IL1R1: variants seen among roughly 807,000 people sequenced by gnomAD.
The protein encoded by IL1R1 is interleukin-1 receptor type 1.
In IL1R1, 22 loss-of-function variants were observed where a neutral mutation model predicts 50.2. The ratio of observed to expected loss-of-function variants is 0.44; its 90% CI spans 0.31 to 0.63. The LOEUF is 0.63. Among genes scored for constraint, IL1R1 ranks in the 20% least tolerant of loss-of-function variants. The pLI is 0.07. For synonymous variants in IL1R1, 251 were observed against 236.7 expected, an observed-to-expected ratio of 1.06 and a Z score of -0.55; for missense variants, 509 against 676.2, an observed-to-expected ratio of 0.75 and a Z score of 2.74.
At position 102,079,805 on chromosome 2, in the gene IL1R1, A is replaced by G. The variant is rs545201718; in HGVS notation, c.-84+9272A>G. On this transcript the variant is annotated intron_variant, in intron 1 of 11. Transcript: ENST00000409929. ...ATCCAAAACAATCTTGAAAAATAAC[A>G]AAGTCAATGACTTACACTCCCATTT... Among the ~76,000 whole-genome samples the G allele has an allele frequency of 2.0e-5, 3 of 152,302 alleles. No individual in the cohort carries two copies. The South Asian group carries it at 6.2e-4, about 32-fold the overall frequency.
At chr2:102,138,608 A>G (rs1682473025), upstream of IL1R1, among the ~76,000 whole-genome samples, 1 of 152,154 alleles carries the variant, frequency 6.6e-6, no homozygotes, top group Admixed American at 6.5e-5. Flanking sequence ...GGAAAGGGAG[A>G]GTGTTGAGTA....
intron 3 of IL1R1, among the ~76,000 whole-genome samples, chr2:102,164,062 A>G (rs1216348736): frequency 6.6e-6 from 1 of 152,060 alleles, no homozygotes; most frequent in Non-Finnish European, 1.5e-5. Flanking sequence ...GGTGTGCTCC[A>G]TGTGTTACTC....
intron 1 of IL1R1, among the ~76,000 whole-genome samples, chr2:102,095,765 G>A (rs569707590): frequency 6.6e-6 from 1 of 152,334 alleles, no homozygotes; most frequent in South Asian, 2.1e-4. Context: ...AGCACTTTGG[G>A]AGGCCGAGGC....
intron 1 of IL1R1, among the ~76,000 whole-genome samples, chr2:102,110,887 A>AAGGCTGCAGAGACAGC (rs1487145869): frequency 3.9e-5 from 6 of 152,222 alleles, no homozygotes; most frequent in Non-Finnish European, 7.4e-5. Flanking sequence ...ACAGAGACAG[A>AAGGCTGCAGAGACAGC]AGGCTGCAGA....
intron 1 of IL1R1, among the ~76,000 whole-genome samples, chr2:102,095,109 C>A (rs959043427): frequency 6.6e-6 from 1 of 152,186 alleles, no homozygotes; most frequent in South Asian, 2.1e-4. Flanking sequence ...CAGCTTTAGG[C>A]CCCTCCCCCA....
At chr2:102,174,525 T>C in intron 9 of IL1R1, 62 bp from the exon 10 acceptor site, 2 of 1,310,464 alleles carry the variant, frequency 1.5e-6, no homozygotes, top group Non-Finnish European at 2.1e-6. Context: ...TTTGCTGTGC[T>C]CAAAGTTTTA....
chr2:102,137,616 A>T (rs1435703522), intron 1 of IL1R1, among the ~76,000 whole-genome samples: 1 of 152,222 alleles, frequency 6.6e-6, no homozygotes, highest in African/African-American at 2.4e-5. Context: ...TAAGAGTCCC[A>T]GGAAGAACCT....
At chr2:102,072,244 A>T (rs1478167285) in intron 1 of IL1R1, among the ~76,000 whole-genome samples, 5 of 150,874 alleles carry the variant, frequency 3.3e-5, no homozygotes, top group African/African-American at 9.8e-5. Flanking sequence ...TGGGTGACAG[A>T]GCAAGACTCT....
rs368204455 is a variant in IL1R1 at position 102,167,548 on chromosome 2, T to C, written c.656-1050T>C. The stretch of plus-strand genomic sequence containing the variant: ...CTGCAAGCTCTGCCTCCCGGGTTCA[T>C]GCCATTCTTCTGCCTCAGCCTCCCG... On this transcript the variant is annotated intron_variant, in intron 6 of 11. Coordinates refer to ENST00000410023, the MANE Select transcript of IL1R1 (RefSeq NM_000877.4). 8.4e-3 allele frequency among the ~76,000 whole-genome samples: 1,246 copies of C among 147,860 alleles called. 9 individuals carry two copies. The highest frequency in any genetic ancestry group is 0.011 in the Non-Finnish European group (743 of 67,382).
intron 1 of IL1R1, among the ~76,000 whole-genome samples, chr2:102,105,174 C>A (rs1680333473): frequency 6.6e-6 from 1 of 152,004 alleles, no homozygotes; most frequent in African/African-American, 2.4e-5. Context: ...TACTTATAAA[C>A]CATGAATAGT....
intron 1 of IL1R1, among the ~76,000 whole-genome samples, chr2:102,109,828 G>A (rs370326284): frequency 2.6e-5 from 4 of 152,172 alleles, no homozygotes; most frequent in Non-Finnish European, 5.9e-5. Context: ...GAACTCCAGC[G>A]AATGAGATGG....
At chr2:102,146,028 A>G (rs1162014857) in intron 1 of IL1R1, among the ~76,000 whole-genome samples, 3 of 152,146 alleles carry the variant, frequency 2.0e-5, no homozygotes, top group South Asian at 4.2e-4. Flanking sequence ...TCTTTTAAAG[A>G]TCCCTGAAAA....
intron 1 of IL1R1, among the ~76,000 whole-genome samples, chr2:102,079,004 T>G (rs1363634154): frequency 6.6e-6 from 1 of 152,072 alleles, no homozygotes; most frequent in African/African-American, 2.4e-5. Flanking sequence ...ATCATCTCAA[T>G]AGATGCAGAC....
intron 1 of IL1R1, among the ~76,000 whole-genome samples, chr2:102,072,451 C>A (rs1390010945): frequency 1.3e-5 from 2 of 152,160 alleles, no homozygotes; most frequent in African/African-American, 2.4e-5. Flanking sequence ...TACCTGGTTT[C>A]TTATACCTCA....
In IL1R1 at chr2:102,106,514, G is replaced by A. The variant is rs551445039; in HGVS notation, c.-84+1642G>A. On this transcript the variant is annotated intron_variant, in intron 1 of 10. Coordinates refer to the IL1R1 transcript ENST00000409329. ...CTTAGGAGGAAAACTTGGCAGGAAC[G>A]GTCAAAGAATAGCGAGGGTATACTT... Among the ~76,000 whole-genome samples, 15 of 152,226 alleles carry A rather than the reference G, an allele frequency of 9.9e-5. No homozygotes were observed. The South Asian group carries it at 3.1e-3, about 32-fold the overall frequency.
At chr2:102,137,300 A>G (rs1280866977) in intron 1 of IL1R1, among the ~76,000 whole-genome samples, 9 of 152,174 alleles carry the variant, frequency 5.9e-5, no homozygotes, top group African/African-American at 1.4e-4. Context: ...CTGAAACTTG[A>G]TGACTCAAAA....
intron 1 of IL1R1, among the ~76,000 whole-genome samples, chr2:102,079,071 C>A (rs1246192034): frequency 1.3e-5 from 2 of 152,008 alleles, no homozygotes; most frequent in East Asian, 3.9e-4. Context: ...ACAACAACAA[C>A]AACAAACCAA....
intron 8 of IL1R1, 67 bp downstream of exon 8, chr2:102,171,985 C>T (rs1371285078): frequency 1.0e-5 from 7 of 701,186 alleles, no homozygotes; most frequent in African/African-American, 7.7e-5. Context: ...ATAACCTTGT[C>T]GGTTCAGTTT....
At chr2:102,089,172 A>G (rs563313229) in intron 1 of IL1R1, among the ~76,000 whole-genome samples, 3 of 152,310 alleles carry the variant, frequency 2.0e-5, no homozygotes, top group African/African-American at 7.2e-5. Context: ...CTTTCATCCC[A>G]TCTTGGCTTT....
Sources: gnomAD v4.1 joint callset for allele counts (sites outside exome capture counted in the v4.1 genomes callset) on GRCh38, gnomAD v4.1.1 for gene constraint, MANE v1.5 for transcripts, NCBI Gene and HGNC (gene_info 2026-07-23, HGNC 2026-07-21) for gene names.